The following NRXN1 variants were observed in gnomAD, a reference collection of about 807,000 sequenced individuals.
NRXN1 encodes neurexin-1.
In NRXN1, 39 loss-of-function variants were observed where a neutral mutation model predicts 150.9. The ratio of observed to expected loss-of-function variants is 0.26; its 90% CI spans 0.20 to 0.34. The LOEUF is 0.34. Among genes scored for constraint, NRXN1 ranks in the 10% least tolerant of loss-of-function variants. The pLI is 1.00. For synonymous variants in NRXN1, 924 were observed against 757.0 expected, an observed-to-expected ratio of 1.22 and a Z score of -3.62; for missense variants, 1,815 against 1,949.9, an observed-to-expected ratio of 0.93 and a Z score of 1.30.
At chr2:50,364,415 A>G (rs1426668320) in intron 17 of NRXN1, among the ~76,000 whole-genome samples, 5 of 152,144 alleles carry the variant, frequency 3.3e-5, no homozygotes, top group Non-Finnish European at 5.9e-5. Flanking sequence ...CCTCCTTCAG[A>G]AAAATCACCA....
chr2:50,859,139 T>C (rs1035312889), intron 5 of NRXN1, among the ~76,000 whole-genome samples: 2 of 152,010 alleles, frequency 1.3e-5, no homozygotes, highest in African/African-American at 2.4e-5. Flanking sequence ...GGTACATTTT[T>C]TTTTCCTTTA....
At chr2:50,951,899 T>G (rs1009268123) in intron 2 of NRXN1, among the ~76,000 whole-genome samples, 5 of 148,744 alleles carry the variant, frequency 3.4e-5, no homozygotes, top group Non-Finnish European at 7.4e-5. Context: ...AACTGGATTA[T>G]CTATGAATTT....
chr2:50,916,299 T>C (rs1302501763), intron 5 of NRXN1, among the ~76,000 whole-genome samples: 1 of 151,214 alleles, frequency 6.6e-6, no homozygotes, highest in Non-Finnish European at 1.5e-5. Flanking sequence ...TATATTATTA[T>C]ATTTTTAGAA....
intron 18 of NRXN1, among the ~76,000 whole-genome samples, chr2:50,120,969 A>T (rs1703770949): frequency 6.6e-6 from 1 of 152,180 alleles, no homozygotes. Flanking sequence ...TTTATTATTC[A>T]CTAAGCACTT....
intron 17 of NRXN1, among the ~76,000 whole-genome samples, chr2:50,281,675 A>G (rs1334213838): frequency 6.6e-6 from 1 of 152,098 alleles, no homozygotes; most frequent in Non-Finnish European, 1.5e-5. Flanking sequence ...AAGATGATAA[A>G]CTGTTCCCAA....
At chr2:50,823,141 C>T (rs895058833) in intron 5 of NRXN1, among the ~76,000 whole-genome samples, 2 of 152,144 alleles carry the variant, frequency 1.3e-5, no homozygotes, top group Non-Finnish European at 2.9e-5. Flanking sequence ...AAGATCTCTG[C>T]AGGCAGGCAA....
intron 18 of NRXN1, among the ~76,000 whole-genome samples, chr2:50,109,785 T>C (rs1285599382): frequency 6.6e-6 from 1 of 152,152 alleles, no homozygotes; most frequent in Non-Finnish European, 1.5e-5. Flanking sequence ...TTAGATAGTA[T>C]AAATGTATCC....
At chr2:50,354,529 A>C in intron 17 of NRXN1, among the ~76,000 whole-genome samples, 1 of 141,604 alleles carries the variant, frequency 7.1e-6, no homozygotes, top group Non-Finnish European at 1.5e-5. Flanking sequence ...CTATATATAC[A>C]CTACCTTAGC....
chr2:49,942,586 A>G (rs1400003551), intron 22 of NRXN1, among the ~76,000 whole-genome samples: 1 of 138,674 alleles, frequency 7.2e-6, no homozygotes, highest in Non-Finnish European at 1.6e-5. Flanking sequence ...GTTAATGCAA[A>G]CAATATTATT....
chr2:50,542,011 G>A (rs1199014863), intron 9 of NRXN1, among the ~76,000 whole-genome samples: 1 of 152,218 alleles, frequency 6.6e-6, no homozygotes, highest in African/African-American at 2.4e-5. Context: ...GCCAGGCGTG[G>A]TGGCTCATGC....
chr2:50,265,986 ATTATTATTATTATTTATTTT>A (rs2068793382), intron 17 of NRXN1, among the ~76,000 whole-genome samples: 3 of 93,472 alleles, frequency 3.2e-5, no homozygotes, highest in South Asian at 6.3e-4. Context: ...TATTATTATT[ATTATTATTATTATTTATTTT>A]TTTTTTTTTT....
At chr2:50,767,582 AAC>A in intron 5 of NRXN1, among the ~76,000 whole-genome samples, 1 of 152,064 alleles carries the variant, frequency 6.6e-6, no homozygotes, top group Non-Finnish European at 1.5e-5. Context: ...ATGAATAGAA[AAC>A]AGTTCCTGTC....
intron 19 of NRXN1, among the ~76,000 whole-genome samples, chr2:50,073,932 C>T (rs1696670532): frequency 6.6e-6 from 1 of 152,066 alleles, no homozygotes; most frequent in Non-Finnish European, 1.5e-5. Flanking sequence ...AGAGTTTATG[C>T]CAAAGGAGGT....
intron 18 of NRXN1, among the ~76,000 whole-genome samples, chr2:50,202,637 C>T (rs1351723751): frequency 2.0e-5 from 3 of 152,122 alleles, no homozygotes; most frequent in Admixed American, 2.0e-4. Context: ...ACTTTGTTAT[C>T]CTGCCTGACA....
chr2:50,523,616 T>G (rs547440398), intron 12 of NRXN1, among the ~76,000 whole-genome samples: 1 of 152,336 alleles, frequency 6.6e-6, no homozygotes, highest in South Asian at 2.1e-4. Context: ...ACATAAAAAT[T>G]GGTGATAACT....
At chr2:50,948,288 G>C (rs1425718390) in intron 2 of NRXN1, among the ~76,000 whole-genome samples, 3 of 151,854 alleles carry the variant, frequency 2.0e-5, no homozygotes, top group African/African-American at 7.2e-5. Context: ...TTAATAAACT[G>C]TAACATGGCA....
chr2:50,431,621 A>C (rs996953761), intron 17 of NRXN1, among the ~76,000 whole-genome samples: 2 of 152,212 alleles, frequency 1.3e-5, no homozygotes, highest in Non-Finnish European at 2.9e-5. Context: ...ATCATGTAAA[A>C]GTATTATAAA....
chr2:50,630,862 A>T (rs370105968), intron 5 of NRXN1, among the ~76,000 whole-genome samples: 4 of 151,762 alleles, frequency 2.6e-5, no homozygotes, highest in African/African-American at 9.7e-5. Flanking sequence ...TGCCAAAAAC[A>T]TCCTTGACCA....
chr2:50,365,592 T>C (rs1393472610), intron 17 of NRXN1, among the ~76,000 whole-genome samples: 1 of 152,104 alleles, frequency 6.6e-6, no homozygotes, highest in Non-Finnish European at 1.5e-5. Context: ...CCTTATAATT[T>C]ATTTCAGCTT....
Sources: allele counts gnomAD v4.1 joint callset (sites outside exome capture counted in the v4.1 genomes callset), GRCh38; gene constraint gnomAD v4.1.1; transcripts MANE v1.5; gene names NCBI Gene and HGNC (gene_info 2026-07-23, HGNC 2026-07-21).